LARP1B: variants seen among roughly 807,000 people sequenced by gnomAD.
LARP1B encodes the protein La ribonucleoprotein 1B, also known as la-related protein 1B.
Under a neutral mutation model 114.2 loss-of-function variants are expected in LARP1B, and 76 were observed. The ratio of observed to expected loss-of-function variants is 0.67; its 90% CI spans 0.55 to 0.81. LARP1B has a LOEUF of 0.81. Ranked by LOEUF, LARP1B falls within the 30% of genes least tolerant of loss-of-function variation. The probability of loss-of-function intolerance (pLI) is 0.00; values close to 1 mark genes in which losing one functional copy is unlikely to be tolerated. For synonymous variants in LARP1B, 345 were observed against 348.0 expected (o/e 0.99, Z 0.10); for missense variants, 1,014 against 1,075.8 (o/e 0.94, Z 0.80).
At chr4:128,145,937 A>G (rs1392505229) in intron 11 of LARP1B, among the ~76,000 whole-genome samples, 4 of 152,250 alleles carry the variant, frequency 2.6e-5, no homozygotes, top group Admixed American at 6.5e-5. Flanking sequence ...AAGTCTGACA[A>G]TATTAAGTCT....
chr4:128,190,012 C>T (rs1419343011), intron 15 of LARP1B, among the ~76,000 whole-genome samples: 2 of 152,158 alleles, frequency 1.3e-5, no homozygotes, highest in Non-Finnish European at 2.9e-5. Context: ...CTACTTTTAC[C>T]AGTGAGTTTT....
chr4:128,098,767 A>ATTT (rs869184167), intron 8 of LARP1B, among the ~76,000 whole-genome samples: 6 of 35,034 alleles, frequency 1.7e-4, no homozygotes, highest in African/African-American at 3.8e-4. Flanking sequence ...ATATATATAT[A>ATTT]TTTTTTTTTT....
intron 9 of LARP1B, among the ~76,000 whole-genome samples, chr4:128,110,940 G>A (rs1428305550): frequency 6.6e-6 from 1 of 151,752 alleles, no homozygotes; most frequent in African/African-American, 2.4e-5. Context: ...ATCTGAGTGT[G>A]GGGGTGTACA....
intron 1 of LARP1B, chr4:128,061,797 A>C: frequency 1.0e-6 from 1 of 984,770 alleles, no homozygotes; most frequent in Non-Finnish European, 1.2e-6. Context: ...CGGCCGGCCG[A>C]GCAGCCGCCC....
rs149932242 is a variant in LARP1B at position 128,200,571 on chromosome 4, C to G, written c.2215C>G (p.Arg739Gly). 1.3e-6 allele frequency: 2 copies of G among 1,592,502 alleles called. No individual in the cohort carries two copies. Among genetic ancestry groups the G allele is most frequent in the South Asian group, 1.2e-5 (1 of 85,474 alleles). The stretch of plus-strand genomic sequence containing the variant: ...GTCCCAAGAAATGAATACCCTCTTT[C>G]GTTTCTGGTCCTTTTTCCTCAGAGA... The part of the protein sequence containing the change: ...GQSQEMNTLF[R>G]FWSFFLRDHF... The change falls in exon 17 of 20, where the codon CGT becomes GGT. Residue 739 changes from arginine (R) to glycine (G), a missense_variant. Arg to Gly is a moderately radical substitution (Grantham distance 125). Transcript: ENST00000326639.
intron 11 of LARP1B, among the ~76,000 whole-genome samples, chr4:128,127,358 GGA>G (rs921684992): frequency 6.6e-6 from 1 of 152,082 alleles, no homozygotes; most frequent in African/African-American, 2.4e-5. Context: ...ACACAAACTG[GGA>G]GAGAGAGCAG....
At chr4:128,182,557 T>G (rs1398097225) in intron 15 of LARP1B, among the ~76,000 whole-genome samples, 1 of 152,210 alleles carries the variant, frequency 6.6e-6, no homozygotes, top group East Asian at 1.9e-4. Context: ...GACTGGCCAT[T>G]TCTCCATCTC....
At chr4:128,111,083 G>A (rs549684268) in intron 9 of LARP1B, among the ~76,000 whole-genome samples, 3 of 146,450 alleles carry the variant, frequency 2.0e-5, no homozygotes, top group East Asian at 2.0e-4. Context: ...GTCTTGCTCC[G>A]TTGCCCAGGC....
rs544066193 is a variant in LARP1B, at chr4:128,200,386, A to G, written c.2165-135A>G. 8 of 562,100 alleles carry G rather than the reference A, an allele frequency of 1.4e-5. No homozygotes were observed. The Admixed American group carries it at 2.7e-4, about 19-fold the overall frequency. The allele number at this position is 562,100 out of a possible 1,614,324, so 34.8% of individuals were successfully genotyped here. Reference sequence around the variant, plus strand: ...TGTGGCCTGGAGGTTGGAGATCCCCACTCTATTTAGAAGAAACCTAAATAC... The same window carrying G: ...TGTGGCCTGGAGGTTGGAGATCCCCGCTCTATTTAGAAGAAACCTAAATAC... On this transcript the variant is annotated intron_variant, in intron 16 of 19. Coordinates refer to ENST00000326639, the MANE Select transcript of LARP1B (RefSeq NM_018078.4).
At position 128,131,262 on chromosome 4, in the gene LARP1B, C is replaced by G. The variant is rs1232576166; in HGVS notation, c.1524+9074C>G. On this transcript the variant is annotated intron_variant, in intron 11 of 19. Coordinates refer to ENST00000326639, the MANE Select transcript of LARP1B (RefSeq NM_018078.4). The stretch of plus-strand genomic sequence containing the variant: ...GGGTGCAGAGGGTCTATGGTATACT[C>G]TGTACTTTCTGCTTGGTTTTGCTGT... Among the ~76,000 whole-genome samples the G allele has an allele frequency of 2.6e-5, 4 of 152,194 alleles. No individual in the cohort carries two copies. In the East Asian group the frequency reaches 7.7e-4, roughly 29 times the overall value.
intron 15 of LARP1B, among the ~76,000 whole-genome samples, chr4:128,190,271 T>G (rs1017576552): frequency 1.3e-5 from 2 of 152,222 alleles, no homozygotes; most frequent in African/African-American, 2.4e-5. Flanking sequence ...AACTCCCTCA[T>G]GGCCTGTTTG....
chr4:128,064,685 G>A (rs1473395962), intron 1 of LARP1B, among the ~76,000 whole-genome samples: 1 of 152,230 alleles, frequency 6.6e-6, no homozygotes, highest in Middle Eastern at 3.4e-3. Flanking sequence ...AGACAATTAA[G>A]TGAATTACCA....
intron 15 of LARP1B, among the ~76,000 whole-genome samples, chr4:128,195,863 C>G (rs1753878209): frequency 1.3e-5 from 2 of 151,972 alleles, no homozygotes; most frequent in Admixed American, 6.6e-5. Flanking sequence ...GCTAGACTGA[C>G]AAAGAAAGAG....
At chr4:128,219,282 A>G (rs1241313333) in intron 6 of LARP1B, among the ~76,000 whole-genome samples, 21 of 118,032 alleles carry the variant, frequency 1.8e-4, no homozygotes, top group African/African-American at 6.9e-4. Context: ...TGACCCAGCC[A>G]TCCCATTACT....
At chr4:128,100,564 G>T (rs747279330) in intron 8 of LARP1B, among the ~76,000 whole-genome samples, 1 of 152,082 alleles carries the variant, frequency 6.6e-6, no homozygotes, top group Non-Finnish European at 1.5e-5. Flanking sequence ...GAGCCACCAC[G>T]CCTGGACTCA....
At position 128,209,720 on chromosome 4, in the gene LARP1B, C is replaced by CAG. The variant is rs1336085069; in HGVS notation, c.2548-135_2548-134insGA. On this transcript the variant is annotated intron_variant, in intron 19 of 19. Coordinates refer to ENST00000326639, the MANE Select transcript of LARP1B (RefSeq NM_018078.4). ...CCTGGGTGACAGAATGAGACTCCAT[C>CAG]AAAAAAAAAAAAAAAAAAAAAAATT... 3,351 of 490,982 alleles carry CAG rather than the reference C, an allele frequency of 6.8e-3. 118 individuals carry two copies. The highest frequency in any genetic ancestry group is 0.015 in the East Asian group (418 of 27,502). 30.4% of individuals were successfully genotyped at this position (490,982 alleles called of 1,614,324 possible).
At chr4:128,174,985 G>A (rs1033547808) in intron 12 of LARP1B, among the ~76,000 whole-genome samples, 2 of 152,016 alleles carry the variant, frequency 1.3e-5, no homozygotes, top group Non-Finnish European at 2.9e-5. Flanking sequence ...TGCAAACATT[G>A]CAATTGACTG....
At chr4:128,161,598 G>C (rs2150431006) in intron 11 of LARP1B, among the ~76,000 whole-genome samples, 1 of 152,234 alleles carries the variant, frequency 6.6e-6, no homozygotes, top group African/African-American at 2.4e-5. Context: ...GTTCTACACA[G>C]ATTTTCTTAG....
In LARP1B at chr4:128,129,878, G is replaced by A. The variant is rs186416996; in HGVS notation, c.1524+7690G>A. On this transcript the variant is annotated intron_variant, in intron 11 of 19. Transcript: ENST00000326639. ...GAAAAATTAAAGTGGACGGACCATC[G>A]TCCAAAATGTAAAAGACAAAACCAT... Among the ~76,000 whole-genome samples, 519 of 152,118 alleles carry A rather than the reference G, an allele frequency of 3.4e-3. 6 individuals carry two copies. The highest frequency in any genetic ancestry group is 0.011 in the South Asian group (55 of 4,820).
Sources: gnomAD v4.1 joint callset for allele counts (sites outside exome capture counted in the v4.1 genomes callset) on GRCh38, gnomAD v4.1.1 for gene constraint, MANE v1.5 for transcripts, NCBI Gene and HGNC (gene_info 2026-07-23, HGNC 2026-07-21) for gene names.